The following AXL variants were observed in gnomAD, a reference collection of about 807,000 sequenced individuals.
AXL encodes the protein AXL receptor tyrosine kinase, also known as tyrosine-protein kinase receptor UFO.
A neutral mutation model predicts 104.5 loss-of-function variants in AXL; 52 were observed. The ratio of observed to expected loss-of-function variants is 0.50; its 90% confidence interval spans 0.40 to 0.63. The LOEUF (loss-of-function observed/expected upper bound fraction) is 0.63. AXL is among the 20% of genes least tolerant of loss of function. The pLI, the probability that AXL is intolerant of heterozygous loss-of-function variation, is 0.00. For synonymous variants in AXL, 455 were observed against 473.7 expected, an observed-to-expected ratio of 0.96 and a Z score of 0.51; for missense variants, 1,024 against 1,188.5, an observed-to-expected ratio of 0.86 and a Z score of 2.04.
At chr19:41,233,181 G>A (rs1011421814) in intron 6 of AXL, among the ~76,000 whole-genome samples, 1 of 151,802 alleles carries the variant, frequency 6.6e-6, no homozygotes, top group Non-Finnish European at 1.5e-5. Context: ...GTAGAGACAG[G>A]GTTTCACCAT....
chr19:41,230,870 C>T, intron 4 of AXL, 97 bp from the exon 5 acceptor site: 1 of 1,308,644 alleles, frequency 7.6e-7, no homozygotes, highest in Non-Finnish European at 1.1e-6. Flanking sequence ...TGCACTGCCC[C>T]TGGTCAGGCA....
intron 4 of AXL, among the ~76,000 whole-genome samples, chr19:41,230,403 C>T (rs1000575029): frequency 4.0e-5 from 6 of 149,112 alleles, no homozygotes; most frequent in East Asian, 2.0e-4. Flanking sequence ...GTGTGTGTCT[C>T]TATCTGGGGT....
In AXL at chr19:41,238,033, C is replaced by T. The variant is rs1441614964; in HGVS notation, c.873C>T (p.Pro291=). Residue 291 remains proline (P), a synonymous_variant, in exon 7 of 20, where the codon CCC becomes CCT. Transcript: ENST00000301178. ...TCACCTCGCAAGCATCCGTGCCCCC[C>T]CATCAGCTTCGGCTAGGCAGCCTCC... ...EPLTSQASVP[P]HQLRLGSLHP... The T allele has an allele frequency of 3.1e-6, 5 of 1,613,978 alleles. No homozygotes were observed. Among genetic ancestry groups the T allele is most frequent in the Non-Finnish European group, 3.4e-6 (4 of 1,179,974 alleles).
chr19:41,259,665 C>A lies in AXL; in HGVS notation c.2446C>A (p.Pro816Thr). 2 of 1,614,100 alleles carry A rather than the reference C, an allele frequency of 1.2e-6. No individual in the cohort carries two copies. Among genetic ancestry groups the A allele is most frequent in the Non-Finnish European group, 1.7e-6 (2 of 1,180,014 alleles). The change falls in exon 20 of 20, where the codon CCT (proline) becomes ACT (threonine). Residue 816 changes from proline to threonine, a missense_variant. Pro to Thr is a conservative substitution (Grantham distance 38). Transcript: ENST00000301178. ...TLKALPPAQE[P>T]DEILYVNMDE... ...GAAGGCCTTGCCTCCTGCCCAGGAG[C>A]CTGACGAAATCCTCTATGTCAACAT...
At chr19:41,234,097 C>T (rs577787474) in intron 6 of AXL, among the ~76,000 whole-genome samples, 4 of 152,214 alleles carry the variant, frequency 2.6e-5, no homozygotes, top group South Asian at 2.1e-4. Flanking sequence ...ACCCCCTCCT[C>T]GTACCCACCA....
intron 17 of AXL, among the ~76,000 whole-genome samples, chr19:41,256,095 G>T (rs77033536): frequency 0.06 from 9,127 of 152,160 alleles, 334 homozygotes; most frequent in Non-Finnish European, 0.086. Flanking sequence ...GTGTGTGTGT[G>T]TGTGTGAAAA....
At chr19:41,256,680 G>T in intron 18 of AXL, 69 bp downstream of exon 18, 2 of 1,579,928 alleles carry the variant, frequency 1.3e-6, no homozygotes, top group East Asian at 2.3e-5. Flanking sequence ...CACTATGCCT[G>T]GGTGGCTGTG....
rs2122198318 is a variant in AXL, at chr19:41,221,866, G to A, written c.410-14G>A. On this transcript the variant is annotated splice_polypyrimidine_tract_variant and intron_variant, in intron 3 of 19. Transcript: ENST00000301178. ...CAGAGGGACCCCAGCCTCTACCACT[G>A]CCCACCCCGCTAGGCTTGCCTTACT... is the stretch of plus-strand genomic sequence containing the variant. The A allele has an allele frequency of 6.2e-7, 1 of 1,612,372 alleles. No homozygotes were observed.
rs558447879 is a variant in AXL at position 41,229,641 on chromosome 19, G to T, written c.587-1326G>T. 2.0e-5 allele frequency among the ~76,000 whole-genome samples: 3 copies of T among 152,294 alleles called. 1 individual carries two copies. The highest frequency in any genetic ancestry group is 7.2e-5 in the African/African-American group (3 of 41,550). On this transcript the variant is annotated intron_variant, in intron 4 of 19. Coordinates refer to ENST00000301178, the MANE Select transcript of AXL (RefSeq NM_021913.5). ...TGAGGAACAAAAATGAAAGAAGAGGGTGCGAGTCATGTAGACATTTGTGGA... is the reference window on the plus strand; with the variant it reads ...TGAGGAACAAAAATGAAAGAAGAGGTTGCGAGTCATGTAGACATTTGTGGA...
intron 17 of AXL, among the ~76,000 whole-genome samples, chr19:41,255,745 T>TG (rs1040716732): frequency 1.4e-4 from 22 of 151,982 alleles, no homozygotes; most frequent in Non-Finnish European, 2.2e-4. Context: ...CTGTTTTTTT[T>TG]TTTGTTTGTT....
chr19:41,253,779 C>CCA, intron 17 of AXL, 71 bp downstream of exon 17: 2 of 1,251,358 alleles, frequency 1.6e-6, no homozygotes, highest in Non-Finnish European at 2.3e-6. Flanking sequence ...CTCCCTCCTT[C>CCA]TTAGGATGGA....
chr19:41,230,544 G>A (rs2033965054), intron 4 of AXL, among the ~76,000 whole-genome samples: 1 of 150,158 alleles, frequency 6.7e-6, no homozygotes, highest in African/African-American at 2.5e-5. Flanking sequence ...GTGTCTGTGT[G>A]TCTGTGTGTA....
intron 4 of AXL, among the ~76,000 whole-genome samples, chr19:41,225,486 C>T (rs1568408833): frequency 6.6e-6 from 1 of 152,154 alleles, no homozygotes; most frequent in African/African-American, 2.4e-5. Flanking sequence ...CACCTCAACT[C>T]CATGTACGCT....
At chr19:41,225,610 T>C (rs2033865512) in intron 4 of AXL, among the ~76,000 whole-genome samples, 1 of 152,206 alleles carries the variant, frequency 6.6e-6, no homozygotes, top group African/African-American at 2.4e-5. Context: ...TGTACATGTG[T>C]GACTGTGTGT....
At chr19:41,224,203 C>A (rs1212532676) in intron 4 of AXL, among the ~76,000 whole-genome samples, 1 of 151,642 alleles carries the variant, frequency 6.6e-6, no homozygotes, top group Non-Finnish European at 1.5e-5. Context: ...GTAAAGTGTG[C>A]CTGGAGGGTA....
intron 14 of AXL, among the ~76,000 whole-genome samples, chr19:41,252,067 C>G (rs1311089711): frequency 7.2e-6 from 1 of 139,408 alleles, no homozygotes; most frequent in Non-Finnish European, 1.5e-5. Flanking sequence ...GACCCGAGAT[C>G]AAACCACTGC....
At chr19:41,254,353 G>C in intron 17 of AXL, among the ~76,000 whole-genome samples, 1 of 147,084 alleles carries the variant, frequency 6.8e-6, no homozygotes, top group African/African-American at 2.5e-5. Context: ...CTCCAGCCTG[G>C]GCGACAGAGC....
intron 6 of AXL, among the ~76,000 whole-genome samples, chr19:41,233,721 C>T (rs953005809): frequency 4.0e-5 from 6 of 148,324 alleles, no homozygotes; most frequent in African/African-American, 1.5e-4. Context: ...CTCTGGGCCT[C>T]AGTTCCTCCC....
intron 4 of AXL, chr19:41,226,634 A>G (rs2033887198): frequency 1.6e-6 from 1 of 624,874 alleles, no homozygotes; most frequent in African/African-American, 2.0e-5. Flanking sequence ...AGAGGCGTAC[A>G]CGCACGGAGC....
Sources: gnomAD v4.1 joint callset for allele counts (sites outside exome capture counted in the v4.1 genomes callset) on GRCh38, gnomAD v4.1.1 for gene constraint, MANE v1.5 for transcripts, NCBI Gene and HGNC (gene_info 2026-07-23, HGNC 2026-07-21) for gene names.